Variants in TNPO3 observed in about 807,000 individuals in gnomAD.
TNPO3 encodes the protein transportin-3.
A neutral mutation model predicts 122.8 loss-of-function variants in TNPO3; 65 were observed. The observed-to-expected ratio is 0.53, with a 90% CI of 0.43 to 0.65. The LOEUF (loss-of-function observed/expected upper bound fraction) is 0.65, where lower values mean the gene tolerates loss of function less well. Among genes scored for constraint, TNPO3 ranks in the 30% least tolerant of loss-of-function variants. TNPO3 has a pLI of 0.00. For missense variants in TNPO3, 850 were observed against 1,136.7 expected (o/e 0.75, Z 3.63); for synonymous variants, 372 against 411.2 (o/e 0.90, Z 1.15).
At chr7:129,019,696 T>C (rs984358673) in intron 1 of TNPO3, among the ~76,000 whole-genome samples, 2 of 151,762 alleles carry the variant, frequency 1.3e-5, no homozygotes. Flanking sequence ...TACAAAAAAA[T>C]TTAAAAATTA....
intron 16 of TNPO3, among the ~76,000 whole-genome samples, chr7:128,978,653 CTCCTATTTCAAAT>C (rs1310767466): frequency 1.3e-5 from 2 of 152,060 alleles, no homozygotes; most frequent in Middle Eastern, 3.2e-3. Flanking sequence ...GTTCTAAAGG[CTCCTATTTCAAAT>C]TCTTTTTTTG....
chr7:129,006,556 C>T (rs1452555098), intron 4 of TNPO3, among the ~76,000 whole-genome samples: 1 of 151,980 alleles, frequency 6.6e-6, no homozygotes, highest in Non-Finnish European at 1.5e-5. Context: ...TTTTTCTAGG[C>T]AAAGAATGTT....
chr7:128,995,405 T>C (rs1000020610), intron 8 of TNPO3, among the ~76,000 whole-genome samples: 3 of 152,166 alleles, frequency 2.0e-5, no homozygotes, highest in Non-Finnish European at 2.9e-5. Flanking sequence ...CTTAGTACTA[T>C]TGAGAATTGC....
At chr7:129,009,497 A>C (rs1417973760) in intron 4 of TNPO3, among the ~76,000 whole-genome samples, 2 of 152,164 alleles carry the variant, frequency 1.3e-5, no homozygotes, top group Admixed American at 6.5e-5. Flanking sequence ...AAAATTAGAG[A>C]CATTTTTAAG....
At chr7:129,015,919 C>T (rs1473705753) in intron 3 of TNPO3, among the ~76,000 whole-genome samples, 1 of 151,892 alleles carries the variant, frequency 6.6e-6, no homozygotes, top group Non-Finnish European at 1.5e-5. Context: ...TTTCAAGGAG[C>T]ATGTATCAAT....
At chr7:128,986,473 T>C (rs1159075083) in intron 12 of TNPO3, among the ~76,000 whole-genome samples, 1 of 152,234 alleles carries the variant, frequency 6.6e-6, no homozygotes. Flanking sequence ...ATATGTTGTC[T>C]CTACCCAAAT....
chr7:129,026,306 T>C (rs960207696), intron 1 of TNPO3, among the ~76,000 whole-genome samples: 7 of 151,578 alleles, frequency 4.6e-5, no homozygotes, highest in Non-Finnish European at 8.8e-5. Flanking sequence ...AAACCAGTAA[T>C]CTTAGAGGTA....
At position 128,982,333 on chromosome 7, in the gene TNPO3, A is replaced by G; in HGVS notation, c.1783-9T>C. On this transcript the variant is annotated splice_polypyrimidine_tract_variant and intron_variant, in intron 13 of 22. Coordinates refer to ENST00000265388, the MANE Select transcript of TNPO3 (RefSeq NM_012470.4). ...GGCTCTTGAGACAACAGCTGAAGAG[A>G]CAAAAGGACATTAACACCCAATTGT... is the stretch of plus-strand genomic sequence containing the variant. 1 of 1,611,726 alleles carries G rather than the reference A, an allele frequency of 6.2e-7. No individual in the cohort carries two copies. The highest frequency in any genetic ancestry group is 1.7e-4 in the Middle Eastern group (1 of 6,050).
rs146188792 is a variant in TNPO3, at chr7:128,996,867, A to G, written c.1158+522T>C. Among the ~76,000 whole-genome samples, 429 of 151,812 alleles carry G rather than the reference A, an allele frequency of 2.8e-3. 4 individuals carry two copies. Among genetic ancestry groups the G allele is most frequent in the African/African-American group, 9.5e-3 (394 of 41,402 alleles). On this transcript the variant is annotated intron_variant, in intron 8 of 22. Transcript: ENST00000265388. ...GTTGCTAAATCATAACTCTTCTTAT[A>G]TAATTCATATAACTCTTGTTATACT...
At chr7:129,037,492 A>G (rs1306081597) in intron 1 of TNPO3, among the ~76,000 whole-genome samples, 1 of 152,120 alleles carries the variant, frequency 6.6e-6, no homozygotes. Context: ...GGCTAGGATG[A>G]GCATATAGAA....
chr7:129,012,614 T>C (rs1048597489), intron 4 of TNPO3, among the ~76,000 whole-genome samples: 11 of 152,182 alleles, frequency 7.2e-5, no homozygotes, highest in Non-Finnish European at 1.5e-5. Flanking sequence ...TTTTTTACCC[T>C]ACCCTAAACC....
chr7:129,033,877 C>T lies in TNPO3; in HGVS notation c.121-15720G>A, dbSNP rs564215089. On this transcript the variant is annotated intron_variant, in intron 1 of 22. Transcript: ENST00000265388. ...GCAGTGAACCAAGATCATGCCACTG[C>T]ATTCCAGCCTGGGCAACAGAGCTAA... Among the ~76,000 whole-genome samples the T allele has an allele frequency of 3.9e-4, 56 of 143,792 alleles. 2 individuals are homozygous for T. The South Asian group carries it at 0.012, about 30-fold the overall frequency. The allele number at this position is 143,792 out of a possible 152,430, so 94.3% of individuals were successfully genotyped here.
chr7:128,995,912 C>G (rs980042267), intron 8 of TNPO3, among the ~76,000 whole-genome samples: 1 of 152,050 alleles, frequency 6.6e-6, no homozygotes, highest in African/African-American at 2.4e-5. Flanking sequence ...TTGGCCAGGC[C>G]GGTCTCAAAT....
In TNPO3 at chr7:128,955,399, T is replaced by TA. The variant is rs1266498243; in HGVS notation, c.*32-15dup. On this transcript the variant is annotated splice_polypyrimidine_tract_variant and intron_variant, in intron 22 of 22. Coordinates refer to ENST00000265388, the MANE Select transcript of TNPO3 (RefSeq NM_012470.4). ...AAAAAGACATTCCTGACAAAAGAGA[T>TA]AAGACAGTCAATAACTGCACCAGAA... The TA allele has an allele frequency of 2.2e-6, 1 of 454,460 alleles. No homozygotes were observed. The highest frequency in any genetic ancestry group is 2.0e-5 in the African/African-American group (1 of 49,976). 28.2% of individuals were successfully genotyped at this position (454,460 alleles called of 1,614,324 possible). A position where few individuals can be genotyped will look rare whatever the true frequency, so the allele number is the denominator to read the frequency against.
chr7:129,047,293 C>A (rs1434173384), intron 1 of TNPO3, among the ~76,000 whole-genome samples: 1 of 152,146 alleles, frequency 6.6e-6, no homozygotes, highest in Non-Finnish European at 1.5e-5. Flanking sequence ...AAGTAATTGG[C>A]CCTATGAAGA....
At position 128,979,016 on chromosome 7, in the gene TNPO3, T is replaced by A; in HGVS notation, c.2028A>T (p.Gly676=). ...CTAGTGGCTGCAGCAGTGCTGCAGA[T>A]CCTTTGCCTACACAGCGAACAGCAA... is the stretch of plus-strand genomic sequence containing the variant. ...LRFAVRCVGK[G]SAALLQPLVT... is the part of the protein sequence containing the mutation. Residue 676 remains glycine, a synonymous_variant, in exon 16 of 23, where the codon GGA becomes GGT. Coordinates refer to ENST00000265388, the MANE Select transcript of TNPO3 (RefSeq NM_012470.4). 1 of 1,614,192 alleles carries A rather than the reference T, an allele frequency of 6.2e-7. No homozygotes were observed. The highest frequency in any genetic ancestry group is 8.5e-7 in the Non-Finnish European group (1 of 1,180,012).
intron 17 of TNPO3, among the ~76,000 whole-genome samples, chr7:128,975,324 T>A (rs936336263): frequency 6.6e-6 from 1 of 152,204 alleles, no homozygotes; most frequent in Non-Finnish European, 1.5e-5. Context: ...AAATATCAAT[T>A]TTAAATGAAA....
Position 129,015,070 on chromosome 7 carries a change from A to G in TNPO3, c.461T>C (p.Val154Ala). Residue 154 changes from valine (V) to alanine (A), a missense_variant, in exon 4 of 23, where the codon GTA becomes GCA. Val to Ala is a moderately conservative substitution (Grantham distance 64, BLOSUM62 0). Coordinates refer to ENST00000265388, the MANE Select transcript of TNPO3 (RefSeq NM_012470.4). ...LEILTVLPEE[V>A]HSRSLRIGAN... ...TCCAATTCGTAAGGAACGACTATGTACTTCTTCAGGTAACACTGTAAGGAT... is the reference window on the plus strand; with the variant it reads ...TCCAATTCGTAAGGAACGACTATGTGCTTCTTCAGGTAACACTGTAAGGAT... 1 of 1,612,674 alleles carries G rather than the reference A, an allele frequency of 6.2e-7. No homozygotes were observed. The highest frequency in any genetic ancestry group is 8.5e-7 in the Non-Finnish European group (1 of 1,179,772).
In TNPO3 at chr7:128,954,543, C is replaced by T. The variant is rs1796730879; in HGVS notation, c.*874G>A. On this transcript the variant is annotated 3_prime_UTR_variant, in exon 23 of 23. Coordinates refer to ENST00000265388, the MANE Select transcript of TNPO3 (RefSeq NM_012470.4). ...ACATTTATATCCTGCACTCCCCACCCACCCGCCCACCCCAGTTTTGGCTCT... is the reference window on the plus strand; with the variant it reads ...ACATTTATATCCTGCACTCCCCACCTACCCGCCCACCCCAGTTTTGGCTCT... The T allele has an allele frequency of 1.2e-5, 1 of 86,534 alleles. No homozygotes were observed. 5.4% of individuals were successfully genotyped at this position (86,534 alleles called of 1,614,324 possible).
Sources: allele counts gnomAD v4.1 joint callset (sites outside exome capture counted in the v4.1 genomes callset), GRCh38; gene constraint gnomAD v4.1.1; transcripts MANE v1.5; gene names NCBI Gene and HGNC (gene_info 2026-07-23, HGNC 2026-07-21).